The following SYNPR variants were observed in gnomAD, a reference collection of about 807,000 sequenced individuals.
The protein encoded by SYNPR is synaptoporin.
SYNPR carries 23 observed loss-of-function variants against 32.9 expected under a neutral mutation model. That is an observed-to-expected ratio of 0.70 (90% CI 0.50 to 0.99). SYNPR has a LOEUF of 0.99. SYNPR is among the 50% of genes least tolerant of loss of function. The pLI, the probability that SYNPR is intolerant of heterozygous loss-of-function variation, is 0.00. For synonymous variants in SYNPR, 146 were observed against 135.9 expected (o/e 1.07, Z -0.52); for missense variants, 318 against 349.3 (o/e 0.91, Z 0.71).
intron 2 of SYNPR, among the ~76,000 whole-genome samples, chr3:63,390,307 G>T (rs191606222): frequency 3.3e-5 from 5 of 152,296 alleles, no homozygotes; most frequent in Admixed American, 2.0e-4. Flanking sequence ...TGGTACCCAG[G>T]TGGCTGTTAA....
chr3:63,270,374 G>A (rs980492212), intron 3 of SYNPR, among the ~76,000 whole-genome samples: 1 of 152,068 alleles, frequency 6.6e-6, no homozygotes, highest in African/African-American at 2.4e-5. Context: ...TGAAAACAAT[G>A]CATTTCTTAA....
chr3:63,353,046 A>G (rs1158162187), intron 2 of SYNPR, among the ~76,000 whole-genome samples: 4 of 152,192 alleles, frequency 2.6e-5, no homozygotes, highest in African/African-American at 9.7e-5. Context: ...TAATAATTGT[A>G]TATATTATGT....
At chr3:63,383,572 C>G (rs374356025) in intron 2 of SYNPR, among the ~76,000 whole-genome samples, 77 of 152,140 alleles carry the variant, frequency 5.1e-4, no homozygotes, top group African/African-American at 1.8e-3. Context: ...AAAAAATTAG[C>G]CAGGCATGAT....
At chr3:63,469,460 C>T (rs1307910874) in intron 2 of SYNPR, among the ~76,000 whole-genome samples, 2 of 152,094 alleles carry the variant, frequency 1.3e-5, no homozygotes, top group African/African-American at 4.8e-5. Flanking sequence ...AGGTTAGAAA[C>T]TTCAGGAAGT....
chr3:63,476,031 G>T lies in SYNPR; in HGVS notation c.85-4801G>T, dbSNP rs990749534. On this transcript the variant is annotated intron_variant, in intron 2 of 5. Coordinates refer to ENST00000478300, the MANE Select transcript of SYNPR (RefSeq NM_001130003.2). The stretch of plus-strand genomic sequence containing the variant: ...CACCAAGCGTAAAAAGTGGAAGAAA[G>T]GTAGGGAGGAAGAAAGAGAAGGAGA... Among the ~76,000 whole-genome samples, 5 of 150,590 alleles carry T rather than the reference G, an allele frequency of 3.3e-5. No individual in the cohort carries two copies. The East Asian group carries it at 9.8e-4, about 30-fold the overall frequency.
chr3:63,550,194 A>T (rs1306604213), intron 3 of SYNPR: 1 of 151,596 alleles, frequency 6.6e-6, no homozygotes, highest in African/African-American at 2.4e-5. Flanking sequence ...GAATTTATAC[A>T]TATATATAAT....
chr3:63,338,878 C>A (rs1031775043), intron 2 of SYNPR, among the ~76,000 whole-genome samples: 2 of 152,220 alleles, frequency 1.3e-5, no homozygotes, highest in African/African-American at 4.8e-5. Flanking sequence ...TCTCCTTCAA[C>A]TCTTACTCAA....
intron 3 of SYNPR, among the ~76,000 whole-genome samples, chr3:63,538,998 C>T (rs900332349): frequency 2.0e-5 from 3 of 152,084 alleles, no homozygotes; most frequent in Non-Finnish European, 4.4e-5. Context: ...TAACTATATT[C>T]GGAAGAAATA....
chr3:63,575,607 C>A (rs1469612741), intron 4 of SYNPR, among the ~76,000 whole-genome samples: 1 of 152,142 alleles, frequency 6.6e-6, no homozygotes, highest in African/African-American at 2.4e-5. Context: ...AATATTCCAA[C>A]AGACTCTGCT....
At chr3:63,415,509 C>CT (rs1366709009) in intron 2 of SYNPR, among the ~76,000 whole-genome samples, 4 of 151,850 alleles carry the variant, frequency 2.6e-5, no homozygotes, top group South Asian at 4.2e-4. Flanking sequence ...CTTTAAAGGG[C>CT]TGGTAGTAAA....
the SYNPR span, among the ~76,000 whole-genome samples, chr3:63,204,614 A>C: frequency 1.3e-5 from 2 of 152,140 alleles, no homozygotes; most frequent in South Asian, 4.1e-4. Context: ...GTCTTCATCG[A>C]CTTCTTGAAT....
intron 2 of SYNPR, among the ~76,000 whole-genome samples, chr3:63,401,462 G>A (rs2088289399): frequency 6.6e-6 from 1 of 152,164 alleles, no homozygotes; most frequent in South Asian, 2.1e-4. Flanking sequence ...CCAATCACAG[G>A]ACATCAGTGG....
At chr3:63,566,475 T>C (rs564458995) in intron 4 of SYNPR, among the ~76,000 whole-genome samples, 1 of 152,162 alleles carries the variant, frequency 6.6e-6, no homozygotes, top group Admixed American at 6.5e-5. Flanking sequence ...ATCATGGCTG[T>C]GTAGGCCTCA....
chr3:63,222,118 G>C, the SYNPR span, among the ~76,000 whole-genome samples: 1 of 144,772 alleles, frequency 6.9e-6, no homozygotes, highest in African/African-American at 2.6e-5. Context: ...ATAGTTTTGA[G>C]AAGACCCTTT....
chr3:63,486,869 T>C (rs1331452585), intron 3 of SYNPR, among the ~76,000 whole-genome samples: 1 of 152,164 alleles, frequency 6.6e-6, no homozygotes, highest in Non-Finnish European at 1.5e-5. Flanking sequence ...TTTTTCCCAG[T>C]TGGCAGTCAT....
At chr3:63,369,292 A>AGC (rs201529442) in intron 2 of SYNPR, among the ~76,000 whole-genome samples, 8,650 of 152,138 alleles carry the variant, frequency 0.057, 454 homozygotes, top group East Asian at 0.2. Flanking sequence ...AGCCTCCAGA[A>AGC]CTCTGAGAAA....
chr3:63,268,131 A>G (rs2106906655), intron 3 of SYNPR, among the ~76,000 whole-genome samples: 1 of 152,180 alleles, frequency 6.6e-6, no homozygotes, highest in Non-Finnish European at 1.5e-5. Flanking sequence ...CCAAGGTGTA[A>G]GTGAGAGGGG....
At chr3:63,231,281 A>G (rs1233147296) in intron 1 of SYNPR, among the ~76,000 whole-genome samples, 2 of 151,910 alleles carry the variant, frequency 1.3e-5, no homozygotes, top group South Asian at 2.1e-4. Context: ...CTAAGCTATG[A>G]GAATGGAAAG....
chr3:63,403,734 G>C (rs2088323527), intron 2 of SYNPR, among the ~76,000 whole-genome samples: 1 of 152,154 alleles, frequency 6.6e-6, no homozygotes, highest in Non-Finnish European at 1.5e-5. Context: ...AGAGGTGAGA[G>C]AGAACATGAT....
Sources: allele counts gnomAD v4.1 joint callset (sites outside exome capture counted in the v4.1 genomes callset), GRCh38; gene constraint gnomAD v4.1.1; transcripts MANE v1.5; gene names NCBI Gene and HGNC (gene_info 2026-07-23, HGNC 2026-07-21).